The following UNC13C variants were observed in gnomAD, a reference collection of about 807,000 sequenced individuals.
UNC13C encodes protein unc-13 homolog C.
UNC13C carries 174 observed loss-of-function variants against 245.4 expected under a neutral mutation model. That is an observed-to-expected ratio of 0.71 (90% CI 0.63 to 0.80). UNC13C has a LOEUF of 0.80. Ranked by LOEUF, UNC13C falls within the 30% of genes least tolerant of loss-of-function variation. UNC13C has a pLI of 0.00. For missense variants in UNC13C, 2,829 were observed against 2,602.9 expected (o/e 1.09, Z -1.89); for synonymous variants, 992 against 895.1 (o/e 1.11, Z -1.93).
chr15:54,261,628 C>G (rs1009538857), intron 8 of UNC13C, among the ~76,000 whole-genome samples: 1 of 152,182 alleles, frequency 6.6e-6, no homozygotes, highest in South Asian at 2.1e-4. Flanking sequence ...CTGCAAGCTC[C>G]GCCTCCCAGA....
intron 4 of UNC13C, among the ~76,000 whole-genome samples, chr15:54,156,701 A>C (rs1413353997): frequency 6.6e-6 from 1 of 151,530 alleles, no homozygotes; most frequent in Non-Finnish European, 1.5e-5. Flanking sequence ...ATCTCTTTGC[A>C]ATGTGTATGT....
intron 2 of UNC13C, among the ~76,000 whole-genome samples, chr15:54,087,313 C>G (rs1388877446): frequency 6.6e-6 from 1 of 152,120 alleles, no homozygotes; most frequent in Non-Finnish European, 1.5e-5. Flanking sequence ...TCTATCATAT[C>G]AGTGGCAGAT....
At chr15:54,264,939 A>G (rs1257984498) in intron 9 of UNC13C, among the ~76,000 whole-genome samples, 1 of 152,022 alleles carries the variant, frequency 6.6e-6, no homozygotes, top group African/African-American at 2.4e-5. Context: ...ATAAAGAAAG[A>G]TGCTTTCTCA....
intron 20 of UNC13C, among the ~76,000 whole-genome samples, chr15:54,496,041 A>G (rs1312199162): frequency 6.6e-6 from 1 of 152,026 alleles, no homozygotes; most frequent in Non-Finnish European, 1.5e-5. Flanking sequence ...CATACTCTGA[A>G]AAGTTGCTAA....
At chr15:53,974,971 C>T (rs1893650684), upstream of UNC13C, 1 of 152,212 alleles carries the variant, frequency 6.6e-6, no homozygotes, top group Admixed American at 6.5e-5. Flanking sequence ...TTGTGTCTGG[C>T]TGTTGGCAGG....
chr15:54,573,342 T>G (rs1342274986), intron 30 of UNC13C, among the ~76,000 whole-genome samples: 3 of 152,190 alleles, frequency 2.0e-5, no homozygotes, highest in Admixed American at 1.3e-4. Context: ...CATTAGAAAT[T>G]TATGAGCCAA....
chr15:54,457,745 C>T (rs191763241), intron 19 of UNC13C, among the ~76,000 whole-genome samples: 1 of 151,930 alleles, frequency 6.6e-6, no homozygotes, highest in East Asian at 1.9e-4. Flanking sequence ...TCTAATTGAG[C>T]TTATTTGGAT....
intron 19 of UNC13C, among the ~76,000 whole-genome samples, chr15:54,426,679 C>T (rs1441936755): frequency 1.3e-5 from 2 of 151,598 alleles, no homozygotes; most frequent in South Asian, 2.1e-4. Context: ...TTAAAGGCTG[C>T]CTACCATGGA....
At chr15:54,215,184 T>C (rs1253143973) in intron 4 of UNC13C, among the ~76,000 whole-genome samples, 1 of 151,582 alleles carries the variant, frequency 6.6e-6, no homozygotes, top group Non-Finnish European at 1.5e-5. Context: ...ATTGAGTTGT[T>C]AAAAGTTAAT....
chr15:54,105,045 T>C (rs997435632), intron 2 of UNC13C, among the ~76,000 whole-genome samples: 16 of 152,044 alleles, frequency 1.1e-4, no homozygotes, highest in African/African-American at 3.6e-4. Flanking sequence ...CCAGTTTTTC[T>C]ACCTGAGGGA....
chr15:54,008,320 T>C (rs893710191), intron 1 of UNC13C, among the ~76,000 whole-genome samples: 2 of 152,194 alleles, frequency 1.3e-5, no homozygotes, highest in Admixed American at 6.5e-5. Flanking sequence ...AACTAAAGCT[T>C]GAGTCACTTT....
chr15:53,879,462 C>T, the UNC13C span, among the ~76,000 whole-genome samples: 4 of 151,982 alleles, frequency 2.6e-5, no homozygotes, highest in Non-Finnish European at 5.9e-5. Flanking sequence ...TATACCCAGC[C>T]CTTTTTCAAT....
In UNC13C at chr15:54,507,162, G is replaced by GT. The variant is rs1894510586; in HGVS notation, c.5347_5348insT (p.Asp1783ValfsTer7). ...CCAGTATGCTGCAATTGTATCAAGTGATTTCAGTTCACATTGTGATAAGGA... is the reference window on the plus strand; with the variant it reads ...CCAGTATGCTGCAATTGTATCAAGTGTATTTCAGTTCACATTGTGATAAGGA... On this transcript the variant is annotated frameshift_variant, in exon 23 of 33. Coordinates refer to ENST00000260323, the MANE Select transcript of UNC13C (RefSeq NM_001080534.3). LOFTEE classifies it high-confidence loss of function. 3.8e-6 allele frequency: 6 copies of GT among 1,598,486 alleles called. No individual in the cohort carries two copies. Among genetic ancestry groups the GT allele is most frequent in the Non-Finnish European group, 5.1e-6 (6 of 1,171,412 alleles).
At position 54,300,358 on chromosome 15, in the gene UNC13C, T is replaced by C. The variant is rs1406954610; in HGVS notation, c.4253T>C (p.Ile1418Thr). The part of the protein sequence containing the change: ...EFAMRYGIES[I>T]YQAMTHFSCL... ...GCTATGCGTTATGGAATTGAATCCATTTATCAAGCTATGACGTAAGTACTA... is the reference window on the plus strand; with the variant it reads ...GCTATGCGTTATGGAATTGAATCCACTTATCAAGCTATGACGTAAGTACTA... The change falls in exon 13 of 33, where the codon ATT becomes ACT. Residue 1418 changes from isoleucine (I) to threonine (T), a missense_variant. Coordinates refer to ENST00000260323, the MANE Select transcript of UNC13C (RefSeq NM_001080534.3). 6.4e-7 allele frequency: 1 copy of C among 1,574,610 alleles called. No individual in the cohort carries two copies.
intron 4 of UNC13C, among the ~76,000 whole-genome samples, chr15:54,203,933 TACAC>T (rs979537171): frequency 2.9e-5 from 4 of 136,370 alleles, no homozygotes; most frequent in African/African-American, 5.2e-5. Flanking sequence ...TGTGTATATA[TACAC>T]ACACACACAA....
Position 54,627,343 on chromosome 15 carries a change from C to CA in UNC13C, c.*230_*231insA. On this transcript the variant is annotated 3_prime_UTR_variant, in exon 33 of 33. Coordinates refer to ENST00000260323, the MANE Select transcript of UNC13C (RefSeq NM_001080534.3). Reference sequence around the variant, plus strand: ...GATGTAAAGTGAAATATCAAGAACACCTTTTAACATGTTTATTTTGTTTCT... The same window carrying CA: ...GATGTAAAGTGAAATATCAAGAACACACTTTTAACATGTTTATTTTGTTTCT... 2.7e-6 allele frequency: 1 copy of CA among 373,788 alleles called. No homozygotes were observed. The highest frequency in any genetic ancestry group is 8.1e-5 in the South Asian group (1 of 12,414). 23.2% of individuals were successfully genotyped at this position (373,788 alleles called of 1,614,324 possible).
the UNC13C span, among the ~76,000 whole-genome samples, chr15:53,886,841 G>A: frequency 4.9e-3 from 747 of 152,198 alleles, 3 homozygotes; most frequent in Non-Finnish European, 8.2e-3. Context: ...TTTACCTCCC[G>A]CAAATACATG....
chr15:53,843,705 G>A, the UNC13C span, among the ~76,000 whole-genome samples: 1 of 152,028 alleles, frequency 6.6e-6, no homozygotes, highest in African/African-American at 2.4e-5. Context: ...AGTCAAAGGA[G>A]TAAAAGAAAC....
Position 54,304,390 on chromosome 15 carries a change from C to T in UNC13C, c.4268+4017C>T, listed in dbSNP as rs536651576. Among the ~76,000 whole-genome samples the T allele has an allele frequency of 9.7e-4, 147 of 152,144 alleles. 1 individual carries two copies. The highest frequency in any genetic ancestry group is 3.2e-3 in the African/African-American group (132 of 41,522). Reference sequence around the variant, plus strand: ...TAGATTATGTGTACTTGTGGTTATACATTTGATTTAAAAATATTTTTATAT... The same window carrying T: ...TAGATTATGTGTACTTGTGGTTATATATTTGATTTAAAAATATTTTTATAT... On this transcript the variant is annotated intron_variant, in intron 13 of 32. Transcript: ENST00000260323.
Sources: gnomAD v4.1 joint callset for allele counts (sites outside exome capture counted in the v4.1 genomes callset) on GRCh38, gnomAD v4.1.1 for gene constraint, MANE v1.5 for transcripts, NCBI Gene and HGNC (gene_info 2026-07-23, HGNC 2026-07-21) for gene names.